LRRTM4: variants seen among roughly 807,000 people sequenced by gnomAD.
The protein encoded by LRRTM4 is leucine rich repeat transmembrane neuronal 4, also known as leucine-rich repeat transmembrane neuronal protein 4.
LRRTM4 carries 25 observed loss-of-function variants against 47.6 expected under a neutral mutation model. That is an observed-to-expected ratio of 0.53 (90% confidence interval 0.38 to 0.73). The LOEUF (loss-of-function observed/expected upper bound fraction) is 0.73, where lower values mean the gene tolerates loss of function less well. LRRTM4 is among the 30% of genes least tolerant of loss of function. The pLI is 0.00. For missense variants in LRRTM4, 638 were observed against 713.4 expected, an observed-to-expected ratio of 0.89 and a Z score of 1.20; for synonymous variants, 311 against 269.5, an observed-to-expected ratio of 1.15 and a Z score of -1.51.
intron 3 of LRRTM4, among the ~76,000 whole-genome samples, chr2:77,006,022 T>C (rs1677630711): frequency 6.6e-6 from 1 of 152,118 alleles, no homozygotes; most frequent in Admixed American, 6.6e-5. Context: ...TAAACTCAAA[T>C]CTGGGTAATC....
At chr2:77,125,369 C>T (rs1572986187) in intron 3 of LRRTM4, among the ~76,000 whole-genome samples, 1 of 152,166 alleles carries the variant, frequency 6.6e-6, no homozygotes, top group Non-Finnish European at 1.5e-5. Flanking sequence ...TAGAGGTGCA[C>T]ATGAGTACAG....
chr2:77,247,893 T>C (rs1675492305), intron 3 of LRRTM4, among the ~76,000 whole-genome samples: 1 of 151,218 alleles, frequency 6.6e-6, no homozygotes, highest in Admixed American at 6.6e-5. Context: ...ATTATGACAT[T>C]GTTTATATTA....
intron 3 of LRRTM4, among the ~76,000 whole-genome samples, chr2:77,196,170 C>T (rs993163756): frequency 6.6e-6 from 1 of 151,950 alleles, no homozygotes; most frequent in African/African-American, 2.4e-5. Context: ...ATGCTTTTTT[C>T]CTTTTTGAAT....
intron 3 of LRRTM4, among the ~76,000 whole-genome samples, chr2:77,021,246 C>G (rs1678259252): frequency 6.6e-6 from 1 of 151,742 alleles, no homozygotes; most frequent in South Asian, 2.1e-4. Flanking sequence ...ATAACAAGAC[C>G]ACGAACTTGA....
At chr2:76,977,979 G>A (rs76787049) in intron 3 of LRRTM4, among the ~76,000 whole-genome samples, 2 of 152,132 alleles carry the variant, frequency 1.3e-5, no homozygotes, top group Non-Finnish European at 2.9e-5. Flanking sequence ...TAGCACTGGA[G>A]TTGAAAACCT....
At chr2:77,323,728 A>G (rs1462265549) in intron 3 of LRRTM4, among the ~76,000 whole-genome samples, 1 of 152,146 alleles carries the variant, frequency 6.6e-6, no homozygotes, top group Non-Finnish European at 1.5e-5. Flanking sequence ...TTCGAACTGC[A>G]TCTTTCTAAT....
At chr2:77,159,283 T>A (rs1672643780) in intron 3 of LRRTM4, among the ~76,000 whole-genome samples, 2 of 152,068 alleles carry the variant, frequency 1.3e-5, no homozygotes, top group South Asian at 4.1e-4. Context: ...AGATAAACAG[T>A]CAGTTGATGA....
At chr2:76,782,869 A>G (rs925590925) in intron 3 of LRRTM4, among the ~76,000 whole-genome samples, 1 of 152,206 alleles carries the variant, frequency 6.6e-6, no homozygotes, top group Non-Finnish European at 1.5e-5. Context: ...AGAAAATTTA[A>G]ATCGCTATTG....
At chr2:77,439,741 C>T (rs1675758272) in intron 3 of LRRTM4, among the ~76,000 whole-genome samples, 1 of 152,086 alleles carries the variant, frequency 6.6e-6, no homozygotes, top group Non-Finnish European at 1.5e-5. Context: ...ATTATTATTA[C>T]AGGTGACGCT....
intron 3 of LRRTM4, among the ~76,000 whole-genome samples, chr2:77,479,576 C>T (rs1056761390): frequency 5.3e-5 from 8 of 152,158 alleles, no homozygotes; most frequent in Non-Finnish European, 1.0e-4. Context: ...GCAATGTGAC[C>T]CACGGGAGGT....
At chr2:77,016,930 C>T (rs1475795591) in intron 3 of LRRTM4, among the ~76,000 whole-genome samples, 6 of 151,740 alleles carry the variant, frequency 4.0e-5, no homozygotes, top group Non-Finnish European at 8.8e-5. Context: ...TAGCAGCACT[C>T]TATTTGCCTG....
In LRRTM4 at chr2:76,830,080, C is replaced by T. The variant is rs150721269; in HGVS notation, c.1552-81164G>A. On this transcript the variant is annotated intron_variant, in intron 3 of 3. Transcript: ENST00000409884. ...AACATGACTGATTTATAAAATGAACCTTCCCCAACAGAAAAAAAACACCTC... is the reference window on the plus strand; with the variant it reads ...AACATGACTGATTTATAAAATGAACTTTCCCCAACAGAAAAAAAACACCTC... Among the ~76,000 whole-genome samples, 10 of 151,962 alleles carry T rather than the reference C, an allele frequency of 6.6e-5. 1 individual carries two copies. The East Asian group carries it at 1.9e-3, about 30-fold the overall frequency.
chr2:77,272,907 A>T (rs2104075505), intron 3 of LRRTM4, among the ~76,000 whole-genome samples: 1 of 152,302 alleles, frequency 6.6e-6, no homozygotes, highest in Non-Finnish European at 1.5e-5. Flanking sequence ...GGACCAAGAC[A>T]GATTTATTCA....
chr2:77,138,238 C>A (rs1672007362), intron 3 of LRRTM4, among the ~76,000 whole-genome samples: 1 of 152,138 alleles, frequency 6.6e-6, no homozygotes, highest in African/African-American at 2.4e-5. Context: ...CACTCCTCAG[C>A]AAATGTAAAA....
chr2:77,285,748 A>C (rs1325629618), intron 3 of LRRTM4, among the ~76,000 whole-genome samples: 1 of 146,644 alleles, frequency 6.8e-6, no homozygotes, highest in Non-Finnish European at 1.5e-5. Flanking sequence ...TCTCAAAAAA[A>C]CAACAAAAAA....
chr2:77,093,274 C>T (rs1392982721), intron 3 of LRRTM4, among the ~76,000 whole-genome samples: 21 of 146,570 alleles, frequency 1.4e-4, no homozygotes, highest in Middle Eastern at 3.5e-3. Flanking sequence ...AATAAATAAT[C>T]TTTGCTGGCA....
chr2:77,311,970 C>T (rs1677468216), intron 3 of LRRTM4, among the ~76,000 whole-genome samples: 2 of 152,098 alleles, frequency 1.3e-5, no homozygotes, highest in African/African-American at 4.8e-5. Context: ...CTTACTACCC[C>T]ACAAATAAAT....
chr2:77,510,220 A>C (rs986740811), intron 3 of LRRTM4, among the ~76,000 whole-genome samples: 1 of 152,156 alleles, frequency 6.6e-6, no homozygotes, highest in Non-Finnish European at 1.5e-5. Flanking sequence ...TTGAAAATAA[A>C]TTTATTTAAT....
intron 3 of LRRTM4, among the ~76,000 whole-genome samples, chr2:76,932,928 G>A (rs1487156206): frequency 6.6e-6 from 1 of 152,020 alleles, no homozygotes; most frequent in Non-Finnish European, 1.5e-5. Flanking sequence ...ACGTGCCATG[G>A]TGGTTTGCTG....
Sources: gnomAD v4.1 joint callset for allele counts (sites outside exome capture counted in the v4.1 genomes callset) on GRCh38, gnomAD v4.1.1 for gene constraint, MANE v1.5 for transcripts, NCBI Gene and HGNC (gene_info 2026-07-23, HGNC 2026-07-21) for gene names.